Variants in PHOX2A observed in about 807,000 individuals in gnomAD.
PHOX2A encodes paired like homeobox 2A, also known as paired mesoderm homeobox protein 2A.
Under a neutral mutation model 16.4 loss-of-function variants are expected in PHOX2A, and 10 were observed. The ratio of observed to expected loss-of-function variants is 0.61; its 90% confidence interval spans 0.38 to 1.04. PHOX2A has a LOEUF of 1.04. Among genes scored for constraint, PHOX2A ranks in the 50% least tolerant of loss-of-function variants. The pLI, the probability that PHOX2A is intolerant of heterozygous loss-of-function variation, is 0.01. For missense variants in PHOX2A, 361 were observed against 419.4 expected (o/e 0.86, Z 1.22); for synonymous variants, 219 against 203.8 (o/e 1.07, Z -0.64).
At chr11:72,241,312 C>CGGGGGGGGGGAGGGGGGGGG in intron 1 of PHOX2A, 23 bp from the exon 2 acceptor site, 1 of 399,390 alleles carries the variant, frequency 2.5e-6, no homozygotes, top group Non-Finnish European at 3.9e-6. Flanking sequence ...GCAGGGGGGC[C>CGGGGGGGGGGAGGGGGGGGG]GGGGGGGGGG....
rs1590729796 is a variant in PHOX2A at position 72,244,058 on chromosome 11, C to A, written c.-54G>T. ...GCCAGGCCGGGTCGGGGTCGGGGTCCGGGTGGAGGTCGGAAGGGAGGTTCG... is the reference window on the plus strand; with the variant it reads ...GCCAGGCCGGGTCGGGGTCGGGGTCAGGGTGGAGGTCGGAAGGGAGGTTCG... On this transcript the variant is annotated 5_prime_UTR_variant, in exon 1 of 3. Coordinates refer to ENST00000298231, the MANE Select transcript of PHOX2A (RefSeq NM_005169.4). 2.2e-6 allele frequency: 2 copies of A among 897,384 alleles called. No homozygotes were observed. Among genetic ancestry groups the A allele is most frequent in the South Asian group, 5.6e-5 (1 of 17,888 alleles). 55.6% of individuals were successfully genotyped at this position (897,384 alleles called of 1,614,324 possible).
rs1026357322 is a variant in PHOX2A, at chr11:72,240,022, C to T, written c.582G>A (p.Pro194=). The T allele has an allele frequency of 1.8e-5, 26 of 1,437,900 alleles. No individual in the cohort carries two copies. The highest frequency in any genetic ancestry group is 2.2e-5 in the Non-Finnish European group (24 of 1,100,398). 89.1% of individuals were successfully genotyped at this position (1,437,900 alleles called of 1,614,324 possible). A position where few individuals can be genotyped will look rare whatever the true frequency, so the allele number is the denominator to read the frequency against. Residue 194 remains proline (P), a synonymous_variant, in exon 3 of 3, where the codon CCG becomes CCA. Transcript: ENST00000298231. ...GGCTGGCCAGGCCGGGCGCAGGCGGCGGCGGCAGCGAGGCGGTGCTATCGG... is the reference window on the plus strand; with the variant it reads ...GGCTGGCCAGGCCGGGCGCAGGCGGTGGCGGCAGCGAGGCGGTGCTATCGG... ...PTPDSTASLP[P]PPAPGLASPR... is the part of the protein sequence containing the mutation.
rs1949144457 is a variant in PHOX2A at position 72,244,104 on chromosome 11, C to G, written c.-100G>C. 1.9e-6 allele frequency: 1 copy of G among 530,558 alleles called. No homozygotes were observed. Among genetic ancestry groups the G allele is most frequent in the Non-Finnish European group, 2.9e-6 (1 of 346,892 alleles). The allele number at this position is 530,558 out of a possible 1,614,324, so 32.9% of individuals were successfully genotyped here. A position where few individuals can be genotyped will look rare whatever the true frequency, so the allele number is the denominator to read the frequency against. On this transcript the variant is annotated 5_prime_UTR_variant, in exon 1 of 3. Transcript: ENST00000298231. ...GTTCGAGCGCCAGGCTCCGAGGACC[C>G]GAGGCCAGCTCTGAGCGCCCGAGAG...
chr11:72,240,025 C>T lies in PHOX2A; in HGVS notation c.579G>A (p.Pro193=). The stretch of plus-strand genomic sequence containing the variant: ...TGGCCAGGCCGGGCGCAGGCGGCGG[C>T]GGCAGCGAGGCGGTGCTATCGGGCG... ...SPTPDSTASL[P]PPPAPGLASP... The change falls in exon 3 of 3, where the codon CCG becomes CCA. Residue 193 remains proline, a synonymous_variant. Transcript: ENST00000298231. 1.4e-6 allele frequency: 2 copies of T among 1,442,208 alleles called. No homozygotes were observed. The highest frequency in any genetic ancestry group is 3.0e-5 in the East Asian group (1 of 33,206). The allele number at this position is 1,442,208 out of a possible 1,614,324, so 89.3% of individuals were successfully genotyped here.
chr11:72,242,172 C>T (rs1431105984), intron 1 of PHOX2A, among the ~76,000 whole-genome samples: 1 of 152,038 alleles, frequency 6.6e-6, no homozygotes, highest in East Asian at 1.9e-4. Context: ...TATACCCATC[C>T]CAGTCTCCAC....
chr11:72,241,316 G>GA (rs1949119112), intron 1 of PHOX2A, 27 bp from the exon 2 acceptor site: 1 of 1,248,264 alleles, frequency 8.0e-7, no homozygotes, highest in Non-Finnish European at 1.1e-6. Flanking sequence ...GGGGGCCGGG[G>GA]GGGGGGCAAA....
intron 1 of PHOX2A, among the ~76,000 whole-genome samples, chr11:72,243,260 G>A (rs956520293): frequency 3.3e-5 from 5 of 152,210 alleles, no homozygotes; most frequent in African/African-American, 1.2e-4. Flanking sequence ...GGCTACAGAA[G>A]GGTTCGGTCC....
At position 72,239,492 on chromosome 11, in the gene PHOX2A, G is replaced by A. The variant is rs1041840440; in HGVS notation, c.*257C>T. ...TGATACCGCATCCAAAGAAGGCCAA[G>A]CTAGAAGGAGCTCCGGGGTTCTCCT... On this transcript the variant is annotated 3_prime_UTR_variant, in exon 3 of 3. Transcript: ENST00000298231. 5.5e-6 allele frequency: 2 copies of A among 366,812 alleles called. No individual in the cohort carries two copies. The highest frequency in any genetic ancestry group is 4.2e-5 in the African/African-American group (2 of 48,006). 22.7% of individuals were successfully genotyped at this position (366,812 alleles called of 1,614,324 possible). A position where few individuals can be genotyped will look rare whatever the true frequency, so the allele number is the denominator to read the frequency against.
chr11:72,239,827 G>A lies in PHOX2A; in HGVS notation c.777C>T (p.Ser259=). 1.5e-6 allele frequency: 2 copies of A among 1,367,030 alleles called. No individual in the cohort carries two copies. Among genetic ancestry groups the A allele is most frequent in the South Asian group, 1.9e-5 (1 of 52,904 alleles). 84.7% of individuals were successfully genotyped at this position (1,367,030 alleles called of 1,614,324 possible). The part of the protein sequence containing the change: ...ELLKAWQPAE[S]GPGPFSGVLS... ...GAACCCCGGAGAAGGGCCCGGGGCC[G>A]GACTCCGCCGGCTGCCAAGCCTTAA... The change falls in exon 3 of 3, where the codon TCC becomes TCT. Residue 259 remains serine (S), a synonymous_variant. Coordinates refer to ENST00000298231, the MANE Select transcript of PHOX2A (RefSeq NM_005169.4).
intron 2 of PHOX2A, 103 bp downstream of exon 2, chr11:72,240,999 T>G: frequency 7.7e-7 from 1 of 1,294,440 alleles, no homozygotes; most frequent in Non-Finnish European, 1.1e-6. Flanking sequence ...CGCCCTGCCT[T>G]CGGGCTGCAT....
chr11:72,241,312 C>CGGGGGGGGGGGGAGGGGGGGCG, intron 1 of PHOX2A, 23 bp from the exon 2 acceptor site: 1 of 399,390 alleles, frequency 2.5e-6, no homozygotes. Flanking sequence ...GCAGGGGGGC[C>CGGGGGGGGGGGGAGGGGGGGCG]GGGGGGGGGG....
Position 72,243,898 on chromosome 11 carries a change from C to G in PHOX2A, c.107G>C (p.Ser36Thr). The G allele has an allele frequency of 7.7e-7, 1 of 1,293,188 alleles. No individual in the cohort carries two copies. The allele number at this position is 1,293,188 out of a possible 1,614,324, so 80.1% of individuals were successfully genotyped here. A position where few individuals can be genotyped will look rare whatever the true frequency, so the allele number is the denominator to read the frequency against. Residue 36 changes from serine (S) to threonine (T), a missense_variant, in exon 1 of 3, where the codon AGC (serine) becomes ACC (threonine). Physicochemically the swap from Ser to Thr is moderately conservative, Grantham distance 58. Transcript: ENST00000298231. ...ACSQPGGFQY[S>T]PLRPAFPAAG... The stretch of plus-strand genomic sequence containing the variant: ...CGCGGGGAAAGCGGGCCGCAGGGGG[C>G]TGTATTGGAAGCCGCCGGGCTGGCT...
In PHOX2A at chr11:72,244,036, A is replaced by C; in HGVS notation, c.-32T>G. Reference sequence around the variant, plus strand: ...GGGGGGCGGGGGCGGGGGCCGGGCCAGGCCGGGTCGGGGTCGGGGTCCGGG... The same window carrying C: ...GGGGGGCGGGGGCGGGGGCCGGGCCCGGCCGGGTCGGGGTCGGGGTCCGGG... On this transcript the variant is annotated 5_prime_UTR_variant, in exon 1 of 3. Transcript: ENST00000298231. 2.6e-6 allele frequency: 2 copies of C among 782,844 alleles called. No homozygotes were observed. Among genetic ancestry groups the C allele is most frequent in the Non-Finnish European group, 3.3e-6 (2 of 598,752 alleles). 48.5% of individuals were successfully genotyped at this position (782,844 alleles called of 1,614,324 possible).
In PHOX2A at chr11:72,241,210, G is replaced by T. The variant is rs1289489074; in HGVS notation, c.297C>A (p.Ser99Arg). The part of the protein sequence containing the change: ...KQRRIRTTFT[S>R]AQLKELERVF... The stretch of plus-strand genomic sequence containing the variant: ...CGCGCTCCAGCTCCTTGAGCTGCGC[G>T]CTGGTGAACGTGGTGCGGATGCGCC... Residue 99 changes from serine (S) to arginine (R), a missense_variant, in exon 2 of 3, where the codon AGC becomes AGA. Physicochemically the swap from Ser to Arg is moderately radical, Grantham distance 110. This residue lies in a region of PHOX2A where 235 missense variants were observed against 263.8 expected (regional missense o/e 0.89). Transcript: ENST00000298231. 3 of 1,613,804 alleles carry T rather than the reference G, an allele frequency of 1.9e-6. No individual in the cohort carries two copies. Among genetic ancestry groups the T allele is most frequent in the Non-Finnish European group, 2.5e-6 (3 of 1,179,978 alleles).
intron 1 of PHOX2A, among the ~76,000 whole-genome samples, chr11:72,242,424 C>T (rs1949129640): frequency 6.6e-6 from 1 of 152,136 alleles, no homozygotes; most frequent in South Asian, 2.1e-4. Context: ...CCCCATTTCT[C>T]CTAGGATTTC....
rs762912541 is a variant in PHOX2A, at chr11:72,239,836, C to T, written c.768G>A (p.Pro256=). 4 of 1,367,486 alleles carry T rather than the reference C, an allele frequency of 2.9e-6. No homozygotes were observed. The highest frequency in any genetic ancestry group is 9.5e-7 in the Non-Finnish European group (1 of 1,050,682). The allele number at this position is 1,367,486 out of a possible 1,614,324, so 84.7% of individuals were successfully genotyped here. A position where few individuals can be genotyped will look rare whatever the true frequency, so the allele number is the denominator to read the frequency against. Residue 256 remains proline (P), a synonymous_variant, in exon 3 of 3, where the codon CCG becomes CCA. Transcript: ENST00000298231. ...GAAELLKAWQ[P]AESGPGPFSG... is the part of the protein sequence containing the mutation. ...AGAAGGGCCCGGGGCCGGACTCCGC[C>T]GGCTGCCAAGCCTTAAGTAGTTCGG...
Position 72,243,883 on chromosome 11 carries a change from G to T in PHOX2A, c.122C>A (p.Ala41Asp). 1 of 1,280,492 alleles carries T rather than the reference G, an allele frequency of 7.8e-7. No homozygotes were observed. The allele number at this position is 1,280,492 out of a possible 1,614,324, so 79.3% of individuals were successfully genotyped here. Residue 41 changes from alanine to aspartate, a missense_variant, in exon 1 of 3, where the codon GCT becomes GAT. Ala to Asp is a moderately radical substitution (Grantham distance 126). This residue lies in a region of PHOX2A where 235 missense variants were observed against 263.8 expected (regional missense o/e 0.89). Transcript: ENST00000298231. ...GGFQYSPLRPAFPAAGPPCPA... is the reference protein window; with the variant it reads ...GGFQYSPLRPDFPAAGPPCPA... The stretch of plus-strand genomic sequence containing the variant: ...GCAGGGCGGCCCTGCCGCGGGGAAA[G>T]CGGGCCGCAGGGGGCTGTATTGGAA...
In PHOX2A at chr11:72,239,644, C is replaced by T. The variant is rs557886516; in HGVS notation, c.*105G>A. On this transcript the variant is annotated 3_prime_UTR_variant, in exon 3 of 3. Transcript: ENST00000298231. ...GGGGTGAGACAGTAGGGAGTGGAGA[C>T]GGATGGGGACTTCCAGGCGGGTGGC... 11 of 882,668 alleles carry T rather than the reference C, an allele frequency of 1.2e-5. No individual in the cohort carries two copies. The highest frequency in any genetic ancestry group is 8.5e-5 in the Admixed American group (2 of 23,604). 54.7% of individuals were successfully genotyped at this position (882,668 alleles called of 1,614,324 possible). A position where few individuals can be genotyped will look rare whatever the true frequency, so the allele number is the denominator to read the frequency against.
Position 72,239,427 on chromosome 11 carries a change from G to A in PHOX2A, c.*322C>T, listed in dbSNP as rs1232293597. On this transcript the variant is annotated 3_prime_UTR_variant, in exon 3 of 3. Transcript: ENST00000298231. ...GGGGGCTGTGCCGATCCTCCTTGAGGACCTTCACTTTGAGGGCACTGTTAG... is the reference window on the plus strand; with the variant it reads ...GGGGGCTGTGCCGATCCTCCTTGAGAACCTTCACTTTGAGGGCACTGTTAG... The A allele has an allele frequency of 2.9e-5, 7 of 241,502 alleles. No homozygotes were observed. The East Asian group carries it at 4.6e-4, about 16-fold the overall frequency. 15.0% of individuals were successfully genotyped at this position (241,502 alleles called of 1,614,324 possible). A position where few individuals can be genotyped will look rare whatever the true frequency, so the allele number is the denominator to read the frequency against.
Sources: allele counts gnomAD v4.1 joint callset (sites outside exome capture counted in the v4.1 genomes callset), GRCh38; gene constraint gnomAD v4.1.1; regional missense constraint gnomAD v4.1.1; transcripts MANE v1.5; gene names NCBI Gene and HGNC (gene_info 2026-07-23, HGNC 2026-07-21).